PIBF1: variants seen among roughly 807,000 people sequenced by gnomAD.
PIBF1 encodes progesterone immunomodulatory binding factor 1.
PIBF1 carries 90 observed loss-of-function variants against 112.5 expected under a neutral mutation model. That is an observed-to-expected ratio of 0.80 (90% CI 0.67 to 0.95). PIBF1 has a LOEUF of 0.95. Ranked by LOEUF, PIBF1 falls within the 40% of genes least tolerant of loss-of-function variation. The probability of loss-of-function intolerance (pLI) is 0.00; values close to 1 mark genes in which losing one functional copy is unlikely to be tolerated. For synonymous variants in PIBF1, 301 were observed against 288.6 expected (o/e 1.04, Z -0.44); for missense variants, 915 against 852.3 (o/e 1.07, Z -0.92).
chr13:72,952,189 G>A (rs180772564), intron 14 of PIBF1, among the ~76,000 whole-genome samples: 1 of 151,780 alleles, frequency 6.6e-6, no homozygotes, highest in South Asian at 2.1e-4. Context: ...AAATGGCTGG[G>A]ATTACAGGCA....
intron 14 of PIBF1, among the ~76,000 whole-genome samples, chr13:72,960,119 T>C (rs1273127010): frequency 6.6e-6 from 1 of 152,190 alleles, no homozygotes. Flanking sequence ...TACAAACAGG[T>C]TTATAAAGAA....
intron 9 of PIBF1, 132 bp downstream of exon 9, chr13:72,835,500 A>G: frequency 1.7e-6 from 1 of 599,904 alleles, no homozygotes. Context: ...ATAAATTGAA[A>G]TCTAAGTATA....
intron 9 of PIBF1, among the ~76,000 whole-genome samples, chr13:72,851,122 G>A (rs2038127928): frequency 6.6e-6 from 1 of 152,178 alleles, no homozygotes; most frequent in Non-Finnish European, 1.5e-5. Context: ...TGGGGGAGGC[G>A]CGTCCAGGGC....
rs2034982871 is a variant in PIBF1, at chr13:72,792,488, G to A, written c.294G>A (p.Gln98=). 1 of 1,578,516 alleles carries A rather than the reference G, an allele frequency of 6.3e-7. No homozygotes were observed. The highest frequency in any genetic ancestry group is 1.4e-5 in the African/African-American group (1 of 72,742). Residue 98 remains glutamine, a synonymous_variant, in exon 3 of 18, where the codon CAG becomes CAA. Coordinates refer to ENST00000326291, the MANE Select transcript of PIBF1 (RefSeq NM_006346.4). ...AGAAACTTAATGATGCACTTCACCA[G>A]AAGCAGCTACTAACATTGAGATTAG... The part of the protein sequence containing the change: ...LEEKLNDALH[Q]KQLLTLRLDN...
chr13:73,004,529 A>T (rs1029973884), intron 17 of PIBF1, among the ~76,000 whole-genome samples: 1 of 142,098 alleles, frequency 7.0e-6, no homozygotes, highest in East Asian at 2.1e-4. Context: ...TGTGATATTC[A>T]CAAAATATTT....
rs1287996992 is a variant in PIBF1, at chr13:72,987,854, A to ATTTTTTTT, written c.2050-10965_2050-10964insTTTTTTTT. Among the ~76,000 whole-genome samples, 95 of 58,630 alleles carry ATTTTTTTT rather than the reference A, an allele frequency of 1.6e-3. 2 individuals are homozygous for ATTTTTTTT. The highest frequency in any genetic ancestry group is 4.0e-3 in the African/African-American group (49 of 12,194). The allele number at this position is 58,630 out of a possible 152,430, so 38.5% of individuals were successfully genotyped here. On this transcript the variant is annotated intron_variant, in intron 16 of 17. Coordinates refer to ENST00000326291, the MANE Select transcript of PIBF1 (RefSeq NM_006346.4). ...TTTTTTGTAATTTATTTATTTATTT[A>ATTTTTTTT]TTTATTTTTTTTTTTTTTTTTTTTT...
chr13:72,935,602 A>G (rs979810474), intron 14 of PIBF1, among the ~76,000 whole-genome samples: 4 of 152,224 alleles, frequency 2.6e-5, no homozygotes, highest in Non-Finnish European at 4.4e-5. Flanking sequence ...TCTATTTGAC[A>G]TCTTAAGAAA....
chr13:73,013,467 G>A (rs896628293), intron 17 of PIBF1, among the ~76,000 whole-genome samples: 2 of 151,270 alleles, frequency 1.3e-5, no homozygotes, highest in Non-Finnish European at 2.9e-5. Context: ...AACAAAAAAC[G>A]AAAAACTATA....
intron 14 of PIBF1, among the ~76,000 whole-genome samples, chr13:72,949,425 C>T (rs1038472954): frequency 6.7e-6 from 1 of 148,516 alleles, no homozygotes; most frequent in African/African-American, 2.5e-5. Flanking sequence ...AAGCAATTCT[C>T]CTGCCTCATC....
At chr13:72,790,424 C>T (rs1315776329) in intron 2 of PIBF1, among the ~76,000 whole-genome samples, 1 of 67,714 alleles carries the variant, frequency 1.5e-5, no homozygotes, top group Non-Finnish European at 3.4e-5. Context: ...GAGTCCATCA[C>T]ACACACACAC....
chr13:72,975,344 C>T (rs1234300631), intron 16 of PIBF1, among the ~76,000 whole-genome samples: 4 of 152,042 alleles, frequency 2.6e-5, no homozygotes, highest in African/African-American at 7.2e-5. Context: ...TGTGAGCCAC[C>T]GCGCCCGACC....
intron 12 of PIBF1, among the ~76,000 whole-genome samples, chr13:72,910,429 C>G (rs1207409899): frequency 6.6e-6 from 1 of 152,138 alleles, no homozygotes; most frequent in Non-Finnish European, 1.5e-5. Flanking sequence ...CTCTTTCTTA[C>G]CTCCGTAACT....
intron 10 of PIBF1, 67 bp from the exon 11 acceptor site, chr13:72,893,714 AAGG>A: frequency 1.2e-6 from 1 of 855,908 alleles, no homozygotes; most frequent in Non-Finnish European, 1.7e-6. Flanking sequence ...ACATAGAAGT[AAGG>A]TTTATGATTA....
chr13:72,952,702 AC>A, intron 14 of PIBF1, among the ~76,000 whole-genome samples: 1 of 130,876 alleles, frequency 7.6e-6, no homozygotes, highest in East Asian at 2.3e-4. Flanking sequence ...GCTAGCTTTG[AC>A]TCAGCATTTT....
intron 9 of PIBF1, among the ~76,000 whole-genome samples, chr13:72,839,740 A>G (rs906659095): frequency 4.1e-4 from 62 of 152,180 alleles, no homozygotes; most frequent in African/African-American, 1.3e-3. Flanking sequence ...TTTTTAAAAA[A>G]AAATCTTTAA....
intron 14 of PIBF1, among the ~76,000 whole-genome samples, chr13:72,941,338 G>A (rs2042002748): frequency 6.6e-6 from 1 of 152,204 alleles, no homozygotes; most frequent in South Asian, 2.1e-4. Flanking sequence ...TTGTTAAACA[G>A]TAGAAAATCC....
rs116962349 is a variant in PIBF1, at chr13:72,985,789, A to G, written c.2049+12114A>G. On this transcript the variant is annotated intron_variant, in intron 16 of 17. Coordinates refer to ENST00000326291, the MANE Select transcript of PIBF1 (RefSeq NM_006346.4). ...GTGCTCTAAGTGGAGGATAGGGTTT[A>G]AAGTCTGAAGTTGATGCTGAAAATC... Among the ~76,000 whole-genome samples the G allele has an allele frequency of 8.6e-3, 1,315 of 152,208 alleles. 64 individuals carry two copies. Among genetic ancestry groups the G allele is most frequent in the East Asian group, 9.3e-3 (48 of 5,176 alleles).
At chr13:72,876,498 C>T (rs1287472033) in intron 10 of PIBF1, among the ~76,000 whole-genome samples, 1 of 152,054 alleles carries the variant, frequency 6.6e-6, no homozygotes, top group African/African-American at 2.4e-5. Context: ...ATTGGGATTA[C>T]GTTGAATCTA....
chr13:72,904,912 G>C, intron 11 of PIBF1, among the ~76,000 whole-genome samples: 1 of 151,894 alleles, frequency 6.6e-6, no homozygotes, highest in East Asian at 1.9e-4. Flanking sequence ...ATAAAGGGGG[G>C]TTGTTAACTA....
Sources: gnomAD v4.1 joint callset for allele counts (sites outside exome capture counted in the v4.1 genomes callset) on GRCh38, gnomAD v4.1.1 for gene constraint, MANE v1.5 for transcripts, NCBI Gene and HGNC (gene_info 2026-07-23, HGNC 2026-07-21) for gene names.